Variants in PIK3C2G observed in about 807,000 individuals in gnomAD.
The protein encoded by PIK3C2G is phosphatidylinositol 3-kinase C2 domain-containing subunit gamma.
In PIK3C2G, 168 loss-of-function variants were observed where a neutral mutation model predicts 181.1. The observed-to-expected ratio is 0.93, with a 90% CI of 0.82 to 1.05. PIK3C2G has a LOEUF of 1.05. Among genes scored for constraint, PIK3C2G ranks in the 50% least tolerant of loss-of-function variants. The probability of loss-of-function intolerance (pLI) is 0.00; values close to 1 mark genes in which losing one functional copy is unlikely to be tolerated. For synonymous variants in PIK3C2G, 573 were observed against 592.2 expected (o/e 0.97, Z 0.47); for missense variants, 1,869 against 1,732.8 (o/e 1.08, Z -1.40).
At chr12:18,356,601 C>T (rs541830322) in intron 11 of PIK3C2G, among the ~76,000 whole-genome samples, 1 of 152,148 alleles carries the variant, frequency 6.6e-6, no homozygotes, top group East Asian at 1.9e-4. Flanking sequence ...AGAATTAGGT[C>T]ACATGAACAA....
chr12:18,666,469 C>A, the PIK3C2G span, among the ~76,000 whole-genome samples: 1 of 151,936 alleles, frequency 6.6e-6, no homozygotes, highest in African/African-American at 2.4e-5. Flanking sequence ...GTGATTGTTG[C>A]ACGAGACAAA....
In PIK3C2G at chr12:18,567,017, A is replaced by G. The variant is rs1333356873; in HGVS notation, c.3971A>G (p.Tyr1324Cys). 1 of 1,575,620 alleles carries G rather than the reference A, an allele frequency of 6.3e-7. No homozygotes were observed. Among genetic ancestry groups the G allele is most frequent in the Non-Finnish European group, 8.7e-7 (1 of 1,146,094 alleles). ...DHRRFRDLNH[Y>C]MEQILNVSHE... ...AGAAGATTCAGAGATCTAAATCATT[A>G]CATGGAACAGATATTAAATGTATCA... The change falls in exon 29 of 33, where the codon TAC becomes TGC. Residue 1324 changes from tyrosine to cysteine, a missense_variant. Tyr to Cys is a radical substitution (Grantham distance 194). Coordinates refer to ENST00000538779, the MANE Select transcript of PIK3C2G (RefSeq NM_001288772.2).
intron 18 of PIK3C2G, among the ~76,000 whole-genome samples, chr12:18,453,280 T>C (rs1178008022): frequency 4.6e-5 from 7 of 152,216 alleles, no homozygotes; most frequent in South Asian, 2.1e-4. Context: ...GCTCTTCTTA[T>C]TGCATTATTT....
intron 26 of PIK3C2G, among the ~76,000 whole-genome samples, chr12:18,555,684 C>T (rs1365121833): frequency 5.3e-5 from 8 of 151,728 alleles, no homozygotes; most frequent in Admixed American, 3.9e-4. Flanking sequence ...TTTTTTTTAC[C>T]TAAGGGTTAT....
At chr12:18,250,921 ATAAT>A (rs1948089580) in intron 1 of PIK3C2G, among the ~76,000 whole-genome samples, 1 of 151,972 alleles carries the variant, frequency 6.6e-6, no homozygotes, top group South Asian at 2.1e-4. Flanking sequence ...GCAAAATCAG[ATAAT>A]TAACTATAGA....
At chr12:18,530,455 G>A (rs1199769050) in intron 24 of PIK3C2G, among the ~76,000 whole-genome samples, 1 of 152,062 alleles carries the variant, frequency 6.6e-6, no homozygotes, top group Non-Finnish European at 1.5e-5. Flanking sequence ...CAGGCTTCAT[G>A]CCATTTTGCT....
At chr12:18,527,985 A>C (rs1943334590) in intron 24 of PIK3C2G, among the ~76,000 whole-genome samples, 1 of 152,156 alleles carries the variant, frequency 6.6e-6, no homozygotes, top group South Asian at 2.1e-4. Context: ...TTTACACTTA[A>C]AAGACTAACT....
chr12:18,259,453 C>A (rs1213931383), upstream of PIK3C2G, among the ~76,000 whole-genome samples: 1 of 151,978 alleles, frequency 6.6e-6, no homozygotes, highest in East Asian at 1.9e-4. Context: ...TCGAGCAAGA[C>A]TACAGGCAGA....
At chr12:18,272,268 A>T (rs1948775242) in intron 1 of PIK3C2G, among the ~76,000 whole-genome samples, 1 of 152,122 alleles carries the variant, frequency 6.6e-6, no homozygotes, top group Non-Finnish European at 1.5e-5. Context: ...ATTTAGTTTA[A>T]TGTGTACCTC....
Position 18,496,404 on chromosome 12 carries a change from A to G in PIK3C2G, c.2886+250A>G, listed in dbSNP as rs538491222. 2.1e-3 allele frequency among the ~76,000 whole-genome samples: 319 copies of G among 152,314 alleles called. 1 individual carries two copies. The highest frequency in any genetic ancestry group is 7.4e-3 in the African/African-American group (308 of 41,572). Reference sequence around the variant, plus strand: ...AACCTAAGAGAATATAATTCAGTAAATGAAGTGATATGATTGCTTTTAAGT... The same window carrying G: ...AACCTAAGAGAATATAATTCAGTAAGTGAAGTGATATGATTGCTTTTAAGT... On this transcript the variant is annotated intron_variant, in intron 21 of 32. Coordinates refer to ENST00000538779, the MANE Select transcript of PIK3C2G (RefSeq NM_001288772.2).
intron 18 of PIK3C2G, among the ~76,000 whole-genome samples, chr12:18,451,516 G>A (rs1366546431): frequency 6.6e-6 from 1 of 152,142 alleles, no homozygotes; most frequent in Non-Finnish European, 1.5e-5. Context: ...CATGTCATCT[G>A]CAAACAGAGA....
chr12:18,634,196 C>T (rs139216511), intron 31 of PIK3C2G, among the ~76,000 whole-genome samples: 124 of 152,246 alleles, frequency 8.1e-4, no homozygotes, highest in African/African-American at 2.9e-3. Flanking sequence ...TGAACATGGG[C>T]CCATTGCCAT....
chr12:18,466,358 A>T (rs1937880991), intron 18 of PIK3C2G, among the ~76,000 whole-genome samples: 2 of 147,936 alleles, frequency 1.4e-5, no homozygotes, highest in South Asian at 4.1e-4. Context: ...TTATAGAGCA[A>T]ACTGGAATAA....
At chr12:18,416,702 C>T (rs796201783) in intron 16 of PIK3C2G, among the ~76,000 whole-genome samples, 14 of 152,194 alleles carry the variant, frequency 9.2e-5, no homozygotes, top group African/African-American at 3.4e-4. Context: ...TATGTTAAGC[C>T]CACTGTTGAA....
intron 31 of PIK3C2G, among the ~76,000 whole-genome samples, chr12:18,633,819 G>A (rs1339578913): frequency 1.3e-5 from 2 of 152,082 alleles, no homozygotes; most frequent in East Asian, 3.9e-4. Context: ...GCCTCCCAAT[G>A]GAAACGTTCC....
chr12:18,382,857 T>C (rs916876585), intron 14 of PIK3C2G, among the ~76,000 whole-genome samples: 2 of 152,064 alleles, frequency 1.3e-5, no homozygotes, highest in Non-Finnish European at 2.9e-5. Context: ...GTTTGGGACA[T>C]AGAGTTGAGA....
chr12:18,399,931 T>C (rs994843003), intron 16 of PIK3C2G, 84 bp downstream of exon 16: 7 of 695,464 alleles, frequency 1.0e-5, no homozygotes, highest in Admixed American at 7.1e-5. Context: ...ATTAATTCAA[T>C]AGCTATTCTG....
chr12:18,513,027 ATTTTTCT>A (rs1486178807), intron 24 of PIK3C2G, among the ~76,000 whole-genome samples: 1 of 151,416 alleles, frequency 6.6e-6, no homozygotes, highest in Non-Finnish European at 1.5e-5. Context: ...TTGTCACGTG[ATTTTTCT>A]GCATCCAGTG....
intron 4 of PIK3C2G, among the ~76,000 whole-genome samples, chr12:18,292,266 T>C (rs1023983612): frequency 1.4e-4 from 18 of 132,208 alleles, no homozygotes; most frequent in Admixed American, 5.5e-4. Flanking sequence ...GGATTTATTA[T>C]AGAATTCAAG....
Sources: allele counts gnomAD v4.1 joint callset (sites outside exome capture counted in the v4.1 genomes callset), GRCh38; gene constraint gnomAD v4.1.1; transcripts MANE v1.5; gene names NCBI Gene and HGNC (gene_info 2026-07-23, HGNC 2026-07-21).